CFAP77: variants seen among roughly 807,000 people sequenced by gnomAD.
The protein encoded by CFAP77 is cilia- and flagella-associated protein 77.
CFAP77 carries 25 observed loss-of-function variants against 31.1 expected under a neutral mutation model. The ratio of observed to expected loss-of-function variants is 0.80; its 90% CI spans 0.59 to 1.12. CFAP77 has a LOEUF of 1.12. Ranked by LOEUF, CFAP77 falls within the 50% of genes most tolerant of loss-of-function variation. The pLI, the probability that CFAP77 is intolerant of heterozygous loss-of-function variation, is 0.00. For synonymous variants in CFAP77, 151 were observed against 159.9 expected, an observed-to-expected ratio of 0.94 and a Z score of 0.42; for missense variants, 377 against 397.3, an observed-to-expected ratio of 0.95 and a Z score of 0.44.
intron 1 of CFAP77, among the ~76,000 whole-genome samples, chr9:132,486,387 C>T (rs1467643008): frequency 2.6e-5 from 4 of 151,948 alleles, no homozygotes; most frequent in Admixed American, 2.6e-4. Flanking sequence ...CCACCGCGCC[C>T]GGCCCACACA....
intron 1 of CFAP77, among the ~76,000 whole-genome samples, chr9:132,471,701 T>C (rs985780608): frequency 7.3e-5 from 11 of 151,578 alleles, no homozygotes; most frequent in African/African-American, 2.4e-4. Context: ...TGTTTTGTTT[T>C]GTTTTGTTTT....
chr9:132,570,687 C>T (rs1301014679), intron 5 of CFAP77, among the ~76,000 whole-genome samples: 1 of 152,176 alleles, frequency 6.6e-6, no homozygotes, highest in African/African-American at 2.4e-5. Flanking sequence ...CATGGTTATT[C>T]CTGGAAGAAC....
intron 1 of CFAP77, among the ~76,000 whole-genome samples, chr9:132,432,706 TTTTTGTTTTG>T (rs759413134): frequency 6.6e-6 from 1 of 150,852 alleles, no homozygotes; most frequent in African/African-American, 2.4e-5. Context: ...TAATTTTCAT[TTTTTGTTTTG>T]TTTTGTTTTG....
Position 132,572,741 on chromosome 9 carries a change from T to TCCTCCTCC in CFAP77, c.*232_*239dup. The TCCTCCTCC allele has an allele frequency of 1.9e-6, 1 of 531,578 alleles. No homozygotes were observed. The highest frequency in any genetic ancestry group is 3.3e-6 in the Non-Finnish European group (1 of 302,768). 32.9% of individuals were successfully genotyped at this position (531,578 alleles called of 1,614,324 possible). A position where few individuals can be genotyped will look rare whatever the true frequency, so the allele number is the denominator to read the frequency against. On this transcript the variant is annotated 3_prime_UTR_variant, in exon 6 of 6. Coordinates refer to ENST00000393216, the MANE Select transcript of CFAP77 (RefSeq NM_001282957.2). ...ACCCTCTACCTGGAGCCTCCTCCTC[T>TCCTCCTCC]CCTCCTCCTTCTCCTCCTAGGGCAG...
At chr9:132,413,719 C>T (rs560661695) in intron 1 of CFAP77, among the ~76,000 whole-genome samples, 1 of 152,320 alleles carries the variant, frequency 6.6e-6, no homozygotes, top group African/African-American at 2.4e-5. Flanking sequence ...GCTTGGTTTG[C>T]TCCCCTGACA....
At chr9:132,442,610 C>A (rs1427990601) in intron 1 of CFAP77, among the ~76,000 whole-genome samples, 1 of 152,000 alleles carries the variant, frequency 6.6e-6, no homozygotes, top group Non-Finnish European at 1.5e-5. Flanking sequence ...ATCTTATAAA[C>A]CTTTTCTTAT....
chr9:132,439,870 A>G (rs1334280237), intron 1 of CFAP77, among the ~76,000 whole-genome samples: 2 of 150,992 alleles, frequency 1.3e-5, no homozygotes, highest in African/African-American at 4.9e-5. Context: ...AAAAAAAAAA[A>G]GATGCTCTAA....
Position 132,552,826 on chromosome 9 carries a change from CTTACAG to C in CFAP77, c.732+9784_732+9789del, listed in dbSNP as rs1852842503. Among the ~76,000 whole-genome samples the C allele has an allele frequency of 1.3e-5, 2 of 152,132 alleles. No individual in the cohort carries two copies. The highest frequency in any genetic ancestry group is 2.9e-5 in the Non-Finnish European group (2 of 68,008). ...TCTCAGGGTCAGTGTCAACTCCACT[CTTACAG>C]TTACGTTCAAATATGTGTTTACTGT... On this transcript the variant is annotated intron_variant, in intron 5 of 5. Coordinates refer to ENST00000393216, the MANE Select transcript of CFAP77 (RefSeq NM_001282957.2). The surrounding 1 kb of genome is among the most constrained non-coding windows in gnomAD (Gnocchi z 5.5).
intron 1 of CFAP77, among the ~76,000 whole-genome samples, chr9:132,483,396 C>T (rs1034758534): frequency 6.6e-5 from 10 of 152,202 alleles, no homozygotes; most frequent in African/African-American, 2.4e-4. Flanking sequence ...TGGCTCAGGA[C>T]AAGGAGCGTC....
Position 132,552,153 on chromosome 9 carries a change from C to T in CFAP77, c.732+9106C>T, listed in dbSNP as rs143412180. On this transcript the variant is annotated intron_variant, in intron 5 of 5. Transcript: ENST00000393216. This position sits in a 1 kb window ranked among gnomAD's most constrained non-coding sequence, Gnocchi z 5.5. ...CTGGGTCTGTCTGTGGGCTGGGCAG[C>T]CATGCAGAGTGGCTCCAGGTCCCAG... Among the ~76,000 whole-genome samples, 1,195 of 152,328 alleles carry T rather than the reference C, an allele frequency of 7.8e-3. 27 individuals carry two copies. The highest frequency in any genetic ancestry group is 0.026 in the East Asian group (133 of 5,184).
chr9:132,557,877 C>T (rs991903967), intron 5 of CFAP77, among the ~76,000 whole-genome samples: 3 of 152,138 alleles, frequency 2.0e-5, no homozygotes, highest in South Asian at 2.1e-4. Flanking sequence ...GGCAGAGGAA[C>T]GTGTAGATGT....
At chr9:132,438,454 C>T (rs1850548341) in intron 1 of CFAP77, among the ~76,000 whole-genome samples, 1 of 148,014 alleles carries the variant, frequency 6.8e-6, no homozygotes, top group Non-Finnish European at 1.5e-5. Context: ...TAATATACTT[C>T]CACACATAAA....
intron 1 of CFAP77, among the ~76,000 whole-genome samples, chr9:132,458,357 G>GAGTGT (rs1554738861): frequency 0.011 from 1,287 of 119,144 alleles, 84 homozygotes; most frequent in African/African-American, 0.039. Context: ...GAGGGGGGGG[G>GAGTGT]GTGTGTATGG....
At chr9:132,479,730 G>A (rs1589875424) in intron 1 of CFAP77, among the ~76,000 whole-genome samples, 1 of 152,230 alleles carries the variant, frequency 6.6e-6, no homozygotes. Context: ...TGCTGATGGA[G>A]TTTGGACACG....
At chr9:132,433,884 C>T (rs1036742918) in intron 1 of CFAP77, among the ~76,000 whole-genome samples, 5 of 150,332 alleles carry the variant, frequency 3.3e-5, no homozygotes, top group African/African-American at 7.4e-5. Context: ...TTTGGTCAGG[C>T]GCTCATGCCT....
At chr9:132,562,111 T>G (rs1224878474) in intron 5 of CFAP77, among the ~76,000 whole-genome samples, 1 of 152,322 alleles carries the variant, frequency 6.6e-6, no homozygotes, top group African/African-American at 2.4e-5. Flanking sequence ...ACGGTTCCTG[T>G]GGCAAAACTT....
chr9:132,503,000 T>TC (rs1344111074), intron 3 of CFAP77, among the ~76,000 whole-genome samples: 1 of 152,190 alleles, frequency 6.6e-6, no homozygotes, highest in Non-Finnish European at 1.5e-5. Flanking sequence ...AAAGTTCAGC[T>TC]CAGCATCGCC....
chr9:132,495,782 T>C lies in CFAP77; in HGVS notation c.196-2913T>C, dbSNP rs12002251. ...GATTAGATCATGAAAGCAGAGCCCT[T>C]GTGATGGAATTTGTGCCCTTAAATG... is the stretch of plus-strand genomic sequence containing the variant. On this transcript the variant is annotated intron_variant, in intron 1 of 5. Transcript: ENST00000393216. This position sits in a 1 kb window ranked among gnomAD's most constrained non-coding sequence, Gnocchi z 4.2. Among the ~76,000 whole-genome samples, 14,202 of 152,230 alleles carry C rather than the reference T, an allele frequency of 0.093. 1,061 individuals are homozygous for C. Among genetic ancestry groups the C allele is most frequent in the African/African-American group, 0.21 (8,582 of 41,504 alleles).
At chr9:132,431,160 A>C (rs1850403921) in intron 1 of CFAP77, among the ~76,000 whole-genome samples, 1 of 152,266 alleles carries the variant, frequency 6.6e-6, no homozygotes, top group South Asian at 2.1e-4. Context: ...CAGATACTAC[A>C]AAGCCCAAAT....
Sources: allele counts gnomAD v4.1 joint callset (sites outside exome capture counted in the v4.1 genomes callset), GRCh38; gene constraint gnomAD v4.1.1; non-coding constraint Gnocchi (gnomAD v3.1); transcripts MANE v1.5; gene names NCBI Gene and HGNC (gene_info 2026-07-23, HGNC 2026-07-21).